Variants in GAS5 observed in about 807,000 individuals in gnomAD.
GAS5 encodes growth arrest specific 5 (non-protein coding).
At chr1:173,867,033 CAGCACCATACCTAAAGAGAT>C in exon 1 of GAS5, 1 of 755,522 alleles carries the variant, frequency 1.3e-6, no homozygotes, top group South Asian at 1.4e-5. Context: ...CATCTGCACC[CAGCACCATACCTAAAGAGAT>C]CAGGTACAGA....
At chr1:173,867,145 G>T (rs1236892983), upstream of GAS5, 7 of 592,930 alleles carry the variant, frequency 1.2e-5, no homozygotes, top group Admixed American at 2.2e-4. Flanking sequence ...CAATGATGCA[G>T]GTAACATACC....
At chr1:173,866,068 G>A (rs1475844035) in intron 4 of GAS5, 1 of 518,826 alleles carries the variant, frequency 1.9e-6, no homozygotes, top group South Asian at 1.4e-5. Context: ...AACAAGACAA[G>A]AATCCGCCAT....
intron 4 of GAS5, chr1:173,865,907 A>G: frequency 5.8e-6 from 3 of 519,160 alleles, no homozygotes; most frequent in East Asian, 1.1e-4. Flanking sequence ...AAGAAATAAG[A>G]GTGGTCTTAG....
At chr1:173,867,758 G>T (rs756839667), upstream of GAS5, 3 of 519,134 alleles carry the variant, frequency 5.8e-6, no homozygotes, top group Non-Finnish European at 1.2e-5. Flanking sequence ...CACGAGAGCC[G>T]AGGCTTCTCC....
At chr1:173,864,090 AAGACAAGACTTTT>A in intron 7 of GAS5, 1 of 494,108 alleles carries the variant, frequency 2.0e-6, no homozygotes, top group Non-Finnish European at 4.1e-6. Flanking sequence ...CTCAAAAAAT[AAGACAAGACTTTT>A]AGCCACATTT....
chr1:173,868,179 A>C (rs1655112952), upstream of GAS5: 1 of 156,388 alleles, frequency 6.4e-6, no homozygotes, highest in African/African-American at 2.4e-5. Flanking sequence ...GGGCAGAGAC[A>C]TGACCGTCCA....
At chr1:173,867,739 G>A (rs866055683), upstream of GAS5, 4 of 519,160 alleles carry the variant, frequency 7.7e-6, no homozygotes, top group Middle Eastern at 9.5e-4. Flanking sequence ...GGCTTCATCA[G>A]AGGCAGGGCA....
At chr1:173,864,004 C>T (rs1049945969) in intron 7 of GAS5, 4 of 344,380 alleles carry the variant, frequency 1.2e-5, no homozygotes, top group African/African-American at 8.5e-5. Flanking sequence ...CTGAGGATCA[C>T]TTGAGCCCAG....
At chr1:173,866,835 A>T in intron 1 of GAS5, 3 of 765,516 alleles carry the variant, frequency 3.9e-6, no homozygotes, top group Non-Finnish European at 7.2e-6. Flanking sequence ...AGTGAGAATG[A>T]ACCTCACAGC....
At chr1:173,868,554 C>T (rs1655187566), upstream of GAS5, 1 of 152,906 alleles carries the variant, frequency 6.5e-6, no homozygotes, top group African/African-American at 2.4e-5. Context: ...GGGCGACCTT[C>T]CACCCCCTTG....
chr1:173,864,554 A>G, intron 6 of GAS5: 1 of 390,268 alleles, frequency 2.6e-6, no homozygotes, highest in South Asian at 1.9e-5. Context: ...GCCCTACTCA[A>G]TTTCCTTCTC....
At chr1:173,864,994 AG>A in intron 6 of GAS5, 2 of 483,102 alleles carry the variant, frequency 4.1e-6, no homozygotes, top group Non-Finnish European at 8.3e-6. Flanking sequence ...CAGTGCGGGC[AG>A]TATCACTTGA....
At chr1:173,864,483 C>T (rs769070906) in intron 6 of GAS5, 3 of 509,206 alleles carry the variant, frequency 5.9e-6, no homozygotes, top group East Asian at 5.5e-5. Context: ...AGCTGACTCA[C>T]CTAGTTTAGG....
At chr1:173,866,493 T>C (rs1654674217) in intron 3 of GAS5, 5 of 663,770 alleles carry the variant, frequency 7.5e-6, no homozygotes, top group Non-Finnish European at 1.4e-5. Flanking sequence ...TTCTAATCCC[T>C]TAAAAGTGAG....
chr1:173,864,289 G>A, exon 7 of GAS5: 2 of 513,242 alleles, frequency 3.9e-6, no homozygotes, highest in Non-Finnish European at 7.8e-6. Context: ...CTTGCTTGTT[G>A]TGGTCATTAA....
intron 4 of GAS5, chr1:173,865,896 T>G: frequency 1.9e-6 from 1 of 518,994 alleles, no homozygotes; most frequent in South Asian, 1.4e-5. Flanking sequence ...GGACTCCACC[T>G]AAGAAATAAG....
chr1:173,868,685 T>TCCTGGCAGCTC (rs1655224768), upstream of GAS5: 1 of 151,654 alleles, frequency 6.6e-6, no homozygotes, highest in South Asian at 2.1e-4. Flanking sequence ...CACACCCACC[T>TCCTGGCAGCTC]CCTGGCAGCT....
At chr1:173,866,600 G>GTA in intron 2 of GAS5, 1 of 763,318 alleles carries the variant, frequency 1.3e-6, no homozygotes, top group Non-Finnish European at 2.4e-6. Flanking sequence ...GAACTTAGGT[G>GTA]TACTCTCTAT....
intron 7 of GAS5, chr1:173,864,067 G>A (rs1455251214): frequency 1.8e-5 from 8 of 454,146 alleles, no homozygotes; most frequent in Non-Finnish European, 3.6e-5. Flanking sequence ...GCTTGGGTGA[G>A]GCAAGACCCT....
Sources: allele counts gnomAD v4.1 joint callset, GRCh38; gene constraint gnomAD v4.1.1; transcripts MANE v1.5; gene names NCBI Gene and HGNC (gene_info 2026-07-23, HGNC 2026-07-21).